Variants in PTPRN2 observed in about 807,000 individuals in gnomAD.
PTPRN2 encodes protein tyrosine phosphatase receptor type N2.
A neutral mutation model predicts 118.8 loss-of-function variants in PTPRN2; 74 were observed. That is an observed-to-expected ratio of 0.62 (90% CI 0.52 to 0.76). The LOEUF is 0.76. Among genes scored for constraint, PTPRN2 ranks in the 30% least tolerant of loss-of-function variants. The pLI is 0.00. For missense variants in PTPRN2, 1,481 were observed against 1,394.4 expected (o/e 1.06, Z -0.99); for synonymous variants, 641 against 608.0 (o/e 1.05, Z -0.80).
At chr7:158,038,038 G>A (rs1412821456) in intron 11 of PTPRN2, among the ~76,000 whole-genome samples, 1 of 152,202 alleles carries the variant, frequency 6.6e-6, no homozygotes, top group African/African-American at 2.4e-5. Context: ...GGGCTGCCAA[G>A]GGCTCTGTCT....
rs145767490 is a variant in PTPRN2 at position 157,812,820 on chromosome 7, C to T, written c.1788+85853G>A. Among the ~76,000 whole-genome samples, 1,138 of 152,210 alleles carry T rather than the reference C, an allele frequency of 7.5e-3. 10 individuals are homozygous for T. Among genetic ancestry groups the T allele is most frequent in the Non-Finnish European group, 8.8e-3 (596 of 68,016 alleles). On this transcript the variant is annotated intron_variant, in intron 12 of 22. Transcript: ENST00000389418. ...AGAAATGGAGGTTGAGTTCCCGGAG[C>T]GGTAGCCCAGGGCTGGTATGTTGAG...
intron 2 of PTPRN2, among the ~76,000 whole-genome samples, chr7:158,328,107 G>C (rs1803805481): frequency 6.6e-6 from 1 of 152,184 alleles, no homozygotes; most frequent in Non-Finnish European, 1.5e-5. Context: ...CTGTAAAAGT[G>C]CTCCCATTCT....
At chr7:157,971,578 C>T (rs76334257) in intron 11 of PTPRN2, among the ~76,000 whole-genome samples, 2,662 of 152,178 alleles carry the variant, frequency 0.017, 76 homozygotes, top group African/African-American at 0.06. Flanking sequence ...CCAGCAATTC[C>T]GTGCTAATTA....
chr7:158,453,248 G>C (rs112891542), intron 2 of PTPRN2, among the ~76,000 whole-genome samples: 2 of 74,996 alleles, frequency 2.7e-5, no homozygotes, highest in Non-Finnish European at 5.6e-5. Context: ...AGTCCTCACC[G>C]TACGGTGCAG....
intron 6 of PTPRN2, among the ~76,000 whole-genome samples, chr7:158,145,864 T>C (rs1392967031): frequency 2.0e-5 from 3 of 152,216 alleles, no homozygotes; most frequent in Non-Finnish European, 4.4e-5. Context: ...AGGCTGACCA[T>C]GCTCCCGGAG....
intron 11 of PTPRN2, among the ~76,000 whole-genome samples, chr7:157,955,344 G>A (rs1436309287): frequency 6.6e-6 from 1 of 151,974 alleles, no homozygotes; most frequent in Non-Finnish European, 1.5e-5. Context: ...TGTGATGCAT[G>A]GAATTCCTTG....
chr7:157,940,074 G>A (rs567033684), intron 11 of PTPRN2, among the ~76,000 whole-genome samples: 163 of 152,270 alleles, frequency 1.1e-3, no homozygotes, highest in Non-Finnish European at 2.2e-3. Context: ...AGAGGCCCCC[G>A]TTGGTATGAC....
intron 12 of PTPRN2, among the ~76,000 whole-genome samples, chr7:157,832,821 C>A (rs1807655809): frequency 6.6e-6 from 1 of 152,216 alleles, no homozygotes; most frequent in South Asian, 2.1e-4. Flanking sequence ...GCAAAAGCAA[C>A]AGCAGAGAGT....
rs969018719 is a variant in PTPRN2, at chr7:157,618,783, G to C, written c.2344+2579C>G. The C allele has an allele frequency of 1.3e-5, 2 of 152,160 alleles. No individual in the cohort carries two copies. Among genetic ancestry groups the C allele is most frequent in the African/African-American group, 4.8e-5 (2 of 41,396 alleles). 9.4% of individuals were successfully genotyped at this position (152,160 alleles called of 1,614,324 possible). ...TGTTCATGAAAATATTTCTATCTAG[G>C]GTTCTCCCAGGAGGTGAACTTGCCG... On this transcript the variant is annotated intron_variant, in intron 15 of 22. Coordinates refer to ENST00000389418, the MANE Select transcript of PTPRN2 (RefSeq NM_002847.5). This position sits in a 1 kb window ranked among gnomAD's most constrained non-coding sequence, Gnocchi z 4.2.
At chr7:157,578,225 C>G (rs1800162819) in intron 17 of PTPRN2, 85 bp from the exon 18 acceptor site, 2 of 1,424,590 alleles carry the variant, frequency 1.4e-6, no homozygotes, top group Non-Finnish European at 1.9e-6. Context: ...GAAGCACAGT[C>G]CAAATTTATT....
At chr7:158,352,863 G>A (rs1243866976) in intron 2 of PTPRN2, among the ~76,000 whole-genome samples, 3 of 152,232 alleles carry the variant, frequency 2.0e-5, no homozygotes, top group African/African-American at 7.2e-5. Flanking sequence ...AGCTGCAGCT[G>A]CCTGGCTCTC....
Position 158,022,612 on chromosome 7 carries a change from C to A in PTPRN2, c.1723+58686G>T, listed in dbSNP as rs1009027163. On this transcript the variant is annotated intron_variant, in intron 11 of 22. Transcript: ENST00000389418. The surrounding 1 kb of genome is among the most constrained non-coding windows in gnomAD (Gnocchi z 4.6). Reference sequence around the variant, plus strand: ...CGTAATGTGTTCATAGCCAAGGCCCCGGCACCCGGGCACTCTGTCTGGGGC... The same window carrying A: ...CGTAATGTGTTCATAGCCAAGGCCCAGGCACCCGGGCACTCTGTCTGGGGC... Among the ~76,000 whole-genome samples, 1 of 142,826 alleles carries A rather than the reference C, an allele frequency of 7.0e-6. No homozygotes were observed. The highest frequency in any genetic ancestry group is 1.5e-5 in the Non-Finnish European group (1 of 64,908). 93.7% of individuals were successfully genotyped at this position (142,826 alleles called of 152,430 possible). A position where few individuals can be genotyped will look rare whatever the true frequency, so the allele number is the denominator to read the frequency against.
At chr7:157,865,077 A>AG (rs1163013413) in intron 12 of PTPRN2, 1 of 152,458 alleles carries the variant, frequency 6.6e-6, no homozygotes, top group Admixed American at 6.5e-5. Context: ...CTGGGTGGGC[A>AG]GGGGGGTTGA....
intron 2 of PTPRN2, among the ~76,000 whole-genome samples, chr7:158,342,075 T>C (rs1806958736): frequency 1.7e-5 from 2 of 120,556 alleles, no homozygotes; most frequent in South Asian, 2.6e-4. Context: ...ATCCACACTC[T>C]CACCAGAAGG....
At chr7:158,131,149 C>CACAG (rs1818226341) in intron 9 of PTPRN2, among the ~76,000 whole-genome samples, 1 of 150,800 alleles carries the variant, frequency 6.6e-6, no homozygotes. Context: ...CATACACACA[C>CACAG]AAATACCCGA....
At chr7:157,621,826 C>A (rs959804988) in intron 14 of PTPRN2, among the ~76,000 whole-genome samples, 3 of 152,138 alleles carry the variant, frequency 2.0e-5, no homozygotes, top group Admixed American at 1.3e-4. Flanking sequence ...TCAGACCAAG[C>A]TCTCGGTGGG....
rs79128025 is a variant in PTPRN2, at chr7:158,572,587, C to A, written c.112+14971G>T. Among the ~76,000 whole-genome samples the A allele has an allele frequency of 6.2e-3, 946 of 152,358 alleles. 14 individuals are homozygous for A. Among genetic ancestry groups the A allele is most frequent in the African/African-American group, 0.021 (883 of 41,592 alleles). The stretch of plus-strand genomic sequence containing the variant: ...CTCCGAGGCTCCTGATCAGGACCGG[C>A]TGACACCTCTGGAAAACACTGACCC... On this transcript the variant is annotated intron_variant, in intron 1 of 22. Coordinates refer to ENST00000389418, the MANE Select transcript of PTPRN2 (RefSeq NM_002847.5).
At chr7:158,468,877 C>G (rs200629864) in intron 2 of PTPRN2, among the ~76,000 whole-genome samples, 1 of 144,426 alleles carries the variant, frequency 6.9e-6, no homozygotes, top group Non-Finnish European at 1.5e-5. Context: ...GTATGCACAC[C>G]CACACACACT....
chr7:157,749,690 G>A (rs1214537989), intron 12 of PTPRN2, among the ~76,000 whole-genome samples: 2 of 128,800 alleles, frequency 1.6e-5, no homozygotes, highest in Admixed American at 8.4e-5. Flanking sequence ...CGGGGTGTCA[G>A]GGTGATTCTG....
Sources: allele counts gnomAD v4.1 joint callset (sites outside exome capture counted in the v4.1 genomes callset), GRCh38; gene constraint gnomAD v4.1.1; non-coding constraint Gnocchi (gnomAD v3.1); transcripts MANE v1.5; gene names NCBI Gene and HGNC (gene_info 2026-07-23, HGNC 2026-07-21).